Variants in UNC5C observed in about 807,000 individuals in gnomAD.
UNC5C encodes the protein netrin receptor UNC5C.
UNC5C carries 47 observed loss-of-function variants against 99.8 expected under a neutral mutation model. That is an observed-to-expected ratio of 0.47 (90% CI 0.37 to 0.60). UNC5C has a LOEUF of 0.60. UNC5C is among the 20% of genes least tolerant of loss of function. The pLI is 0.00. For synonymous variants in UNC5C, 487 were observed against 452.2 expected, an observed-to-expected ratio of 1.08 and a Z score of -0.98; for missense variants, 1,062 against 1,165.9, an observed-to-expected ratio of 0.91 and a Z score of 1.30.
chr4:95,191,844 C>T (rs535316784), intron 12 of UNC5C, among the ~76,000 whole-genome samples: 1 of 145,672 alleles, frequency 6.9e-6, no homozygotes, highest in South Asian at 2.3e-4. Context: ...TTCTCCTCTG[C>T]TCAGCCTCCT....
chr4:95,407,596 A>G (rs925795270), intron 1 of UNC5C, among the ~76,000 whole-genome samples: 1 of 152,198 alleles, frequency 6.6e-6, no homozygotes, highest in African/African-American at 2.4e-5. Flanking sequence ...TTAGGGATAC[A>G]TTAATTTTAG....
At chr4:95,489,217 CA>C (rs1211831946) in intron 1 of UNC5C, among the ~76,000 whole-genome samples, 1 of 151,248 alleles carries the variant, frequency 6.6e-6, no homozygotes, top group Non-Finnish European at 1.5e-5. Context: ...TAGGGTGACA[CA>C]AAACAAATGC....
chr4:95,199,702 G>A (rs1229833332), intron 12 of UNC5C, among the ~76,000 whole-genome samples: 1 of 152,156 alleles, frequency 6.6e-6, no homozygotes, highest in Non-Finnish European at 1.5e-5. Context: ...AACTATGTGT[G>A]TGAATATAAA....
chr4:95,374,734 G>A (rs1406932536), intron 1 of UNC5C, among the ~76,000 whole-genome samples: 2 of 152,132 alleles, frequency 1.3e-5, no homozygotes, highest in Non-Finnish European at 2.9e-5. Flanking sequence ...CAGGGTGGCA[G>A]GCCATCTAAC....
In UNC5C at chr4:95,166,893, T is replaced by TA. The variant is rs1161330085; in HGVS notation, c.*2340dup. The TA allele has an allele frequency of 6.6e-6, 1 of 152,208 alleles. No homozygotes were observed. The highest frequency in any genetic ancestry group is 1.5e-5 in the Non-Finnish European group (1 of 68,044). 9.4% of individuals were successfully genotyped at this position (152,208 alleles called of 1,614,324 possible). ...GCTACAAACATCCACTGAACTTGTT[T>TA]ATAGTGCAATCTCTCCCTTCCCCAG... On this transcript the variant is annotated 3_prime_UTR_variant, in exon 16 of 16. Transcript: ENST00000453304.
In UNC5C at chr4:95,503,609, G is replaced by A. The variant is rs866351419; in HGVS notation, c.124+45125C>T. On this transcript the variant is annotated intron_variant, in intron 1 of 15. Coordinates refer to ENST00000453304, the MANE Select transcript of UNC5C (RefSeq NM_003728.4). ...GCTGCCATCAGGACACAAACCTTCT[G>A]AAAGAATAGATGTCAAATAAAATAA... Among the ~76,000 whole-genome samples the A allele has an allele frequency of 3.9e-5, 6 of 152,120 alleles. 1 individual carries two copies. In the South Asian group the frequency reaches 8.3e-4, roughly 21 times the overall value.
intron 3 of UNC5C, among the ~76,000 whole-genome samples, chr4:95,284,342 G>T (rs1741159654): frequency 6.6e-6 from 1 of 152,140 alleles, no homozygotes; most frequent in African/African-American, 2.4e-5. Flanking sequence ...TTGCTGTAAG[G>T]ACCTATTACT....
At chr4:95,494,453 A>G (rs1721579114) in intron 1 of UNC5C, among the ~76,000 whole-genome samples, 1 of 151,416 alleles carries the variant, frequency 6.6e-6, no homozygotes, top group African/African-American at 2.4e-5. Flanking sequence ...CACTGGAGAT[A>G]TTTTTCAGAT....
intron 1 of UNC5C, among the ~76,000 whole-genome samples, chr4:95,366,962 T>C (rs1744592245): frequency 6.6e-6 from 1 of 152,182 alleles, no homozygotes; most frequent in Non-Finnish European, 1.5e-5. Flanking sequence ...GTTACATTTA[T>C]AATAATGTCT....
intron 12 of UNC5C, among the ~76,000 whole-genome samples, chr4:95,194,822 G>C (rs1737311452): frequency 1.3e-5 from 2 of 152,148 alleles, no homozygotes; most frequent in African/African-American, 4.8e-5. Context: ...GGGGGCAGGG[G>C]TGTTATTCTG....
In UNC5C at chr4:95,334,080, T is replaced by C. The variant is rs116460247; in HGVS notation, c.346+1330A>G. ...ATTCACAAATTGACAAGCAATTATG[T>C]AGAGTTGCCACCTGATTTTCCAAAG... On this transcript the variant is annotated intron_variant, in intron 2 of 15. Coordinates refer to ENST00000453304, the MANE Select transcript of UNC5C (RefSeq NM_003728.4). Among the ~76,000 whole-genome samples the C allele has an allele frequency of 2.5e-3, 375 of 152,164 alleles. 2 individuals are homozygous for C. Among genetic ancestry groups the C allele is most frequent in the African/African-American group, 8.0e-3 (334 of 41,564 alleles).
chr4:95,211,273 C>T (rs1738066234), intron 10 of UNC5C, among the ~76,000 whole-genome samples: 1 of 152,194 alleles, frequency 6.6e-6, no homozygotes, highest in Non-Finnish European at 1.5e-5. Flanking sequence ...GAAATATTTG[C>T]ACTCTAGGTA....
intron 1 of UNC5C, among the ~76,000 whole-genome samples, chr4:95,474,575 A>G (rs577234995): frequency 2.0e-5 from 3 of 152,268 alleles, no homozygotes; most frequent in Non-Finnish European, 4.4e-5. Context: ...GGTGTGAGCC[A>G]CTGTGCCTCG....
At chr4:95,169,430 C>T in intron 15 of UNC5C, 31 bp from the exon 16 acceptor site, 3 of 1,609,078 alleles carry the variant, frequency 1.9e-6, no homozygotes, top group Non-Finnish European at 2.6e-6. Context: ...ATGTGCTCAA[C>T]AGTGTGACTT....
chr4:95,466,242 G>T (rs1011046721), intron 1 of UNC5C, among the ~76,000 whole-genome samples: 3 of 152,054 alleles, frequency 2.0e-5, no homozygotes, highest in African/African-American at 7.2e-5. Flanking sequence ...TACTCATAGA[G>T]TCACACAATG....
intron 1 of UNC5C, among the ~76,000 whole-genome samples, chr4:95,348,125 A>T (rs896251818): frequency 1.3e-5 from 2 of 152,106 alleles, no homozygotes; most frequent in Non-Finnish European, 2.9e-5. Context: ...TCAAAAGAAG[A>T]CACACAAACG....
At chr4:95,491,583 C>T (rs140797172) in intron 1 of UNC5C, among the ~76,000 whole-genome samples, 1 of 151,680 alleles carries the variant, frequency 6.6e-6, no homozygotes, top group East Asian at 2.0e-4. Flanking sequence ...AATCCTGATT[C>T]CTTCACCCGC....
At chr4:95,176,300 T>C (rs1423101272) in intron 14 of UNC5C, among the ~76,000 whole-genome samples, 2 of 152,176 alleles carry the variant, frequency 1.3e-5, no homozygotes, top group Non-Finnish European at 2.9e-5. Context: ...CTGCGTTCCT[T>C]TGGAGGAGGA....
At chr4:95,375,881 T>C (rs567226428) in intron 1 of UNC5C, among the ~76,000 whole-genome samples, 4 of 152,014 alleles carry the variant, frequency 2.6e-5, no homozygotes, top group Admixed American at 1.3e-4. Flanking sequence ...ATTGAGACCA[T>C]CCTGGCTAAC....
Sources: gnomAD v4.1 joint callset for allele counts (sites outside exome capture counted in the v4.1 genomes callset) on GRCh38, gnomAD v4.1.1 for gene constraint, MANE v1.5 for transcripts, NCBI Gene and HGNC (gene_info 2026-07-23, HGNC 2026-07-21) for gene names.